Variants in TOGARAM1 observed in about 807,000 individuals in gnomAD.
TOGARAM1 encodes the protein TOG array regulator of axonemal microtubules 1, also known as TOG array regulator of axonemal microtubules protein 1.
In TOGARAM1, 100 loss-of-function variants were observed where a neutral mutation model predicts 166.6. The observed-to-expected ratio is 0.60, with a 90% CI of 0.51 to 0.71. The LOEUF (loss-of-function observed/expected upper bound fraction) is 0.71, where lower values mean the gene tolerates loss of function less well. Ranked by LOEUF, TOGARAM1 falls within the 30% of genes least tolerant of loss-of-function variation. The pLI is 0.00. For synonymous variants in TOGARAM1, 758 were observed against 763.8 expected (o/e 0.99, Z 0.13); for missense variants, 2,029 against 2,102.7 (o/e 0.96, Z 0.69).
At chr14:45,031,392 G>C (rs1475415695) in intron 10 of TOGARAM1, among the ~76,000 whole-genome samples, 2 of 152,080 alleles carry the variant, frequency 1.3e-5, no homozygotes, top group African/African-American at 4.8e-5. Flanking sequence ...CTTACATCTG[G>C]AAAATGCTTG....
chr14:45,044,078 C>T (rs1001714495), intron 12 of TOGARAM1, among the ~76,000 whole-genome samples: 3 of 151,742 alleles, frequency 2.0e-5, no homozygotes, highest in South Asian at 2.1e-4. Flanking sequence ...GGTGGGATCT[C>T]GGGTCACTGC....
At chr14:44,977,639 C>T (rs1026717910) in intron 1 of TOGARAM1, among the ~76,000 whole-genome samples, 2 of 151,856 alleles carry the variant, frequency 1.3e-5, no homozygotes, top group African/African-American at 2.4e-5. Flanking sequence ...GTATGACATG[C>T]TTTAGACTTC....
At chr14:45,032,026 G>T (rs973136956) in intron 10 of TOGARAM1, among the ~76,000 whole-genome samples, 197 bp from the exon 11 acceptor site, 1 of 152,054 alleles carries the variant, frequency 6.6e-6, no homozygotes, top group African/African-American at 2.4e-5. Context: ...TGGGCATTGT[G>T]GTGCGCACCT....
chr14:45,060,259 A>G (rs1248563696), intron 16 of TOGARAM1, among the ~76,000 whole-genome samples: 3 of 140,930 alleles, frequency 2.1e-5, no homozygotes, highest in Non-Finnish European at 3.0e-5. Flanking sequence ...TCTGTCACCC[A>G]GACTGGAGTG....
chr14:44,970,323 T>A (rs1885812807), intron 1 of TOGARAM1, among the ~76,000 whole-genome samples: 1 of 152,218 alleles, frequency 6.6e-6, no homozygotes, highest in South Asian at 2.1e-4. Context: ...TTTTTTTAAA[T>A]TTCAAATTCC....
rs887463122 is a variant in TOGARAM1, at chr14:45,028,190, T to G, written c.3519T>G (p.Ile1173Met). ...VENEKDAKVS[I>M]SKSTYNKMRQ... The stretch of plus-strand genomic sequence containing the variant: ...TTTTCATGCAGGCTAAAGTTTCTAT[T>G]TCTAAATCTACTTATAACAAGATGA... Residue 1173 changes from isoleucine to methionine, a missense_variant, in exon 10 of 20, where the codon ATT becomes ATG. Ile to Met is a conservative substitution (Grantham distance 10, BLOSUM62 1). Around this residue, in one of 2 missense-constraint regions of TOGARAM1, gnomAD observed 1,453 missense variants for 1,432.2 expected, o/e 1.01. Transcript: ENST00000361462. 2 of 1,572,780 alleles carry G rather than the reference T, an allele frequency of 1.3e-6. No individual in the cohort carries two copies. Among genetic ancestry groups the G allele is most frequent in the South Asian group, 2.4e-5 (2 of 83,302 alleles).
chr14:45,011,815 A>G lies in TOGARAM1; in HGVS notation c.3138-160A>G, dbSNP rs900597709. 4 of 518,672 alleles carry G rather than the reference A, an allele frequency of 7.7e-6. No homozygotes were observed. In the East Asian group the frequency reaches 1.2e-4, roughly 16 times the overall value. The allele number at this position is 518,672 out of a possible 1,614,324, so 32.1% of individuals were successfully genotyped here. ...TGTGTGTGTGTGTGTGTGTGTGTATACACACACACTGTTAGCCATAGTTTT... is the reference window on the plus strand; with the variant it reads ...TGTGTGTGTGTGTGTGTGTGTGTATGCACACACACTGTTAGCCATAGTTTT... On this transcript the variant is annotated intron_variant, in intron 6 of 19. Transcript: ENST00000361462.
At chr14:45,034,549 A>C (rs1157438005) in intron 11 of TOGARAM1, among the ~76,000 whole-genome samples, 1 of 152,218 alleles carries the variant, frequency 6.6e-6, no homozygotes, top group Non-Finnish European at 1.5e-5. Flanking sequence ...GAACAATGTC[A>C]GGAGCATATA....
At chr14:45,001,665 T>A (rs1422004819) in intron 3 of TOGARAM1, among the ~76,000 whole-genome samples, 1 of 152,224 alleles carries the variant, frequency 6.6e-6, no homozygotes, top group Non-Finnish European at 1.5e-5. Flanking sequence ...ACATCACTAA[T>A]CATCAGAAAG....
At position 44,963,712 on chromosome 14, in the gene TOGARAM1, C is replaced by T; in HGVS notation, c.1291C>T (p.Gln431Ter). ...TATTCGCCTTGGAGAGCAGGTACAG[C>T]AGTTCTTGGGACCAGTTATAGCAGC... ...LVIRLGEQVQ[Q>*]FLGPVIAASV... Residue 431 changes from glutamine (Q) to a stop codon, truncating the protein, a stop_gained, in exon 1 of 20, where the codon CAG becomes TAG. Transcript: ENST00000361462. LOFTEE classifies it high-confidence loss of function. 1 of 1,613,926 alleles carries T rather than the reference C, an allele frequency of 6.2e-7. No individual in the cohort carries two copies. The highest frequency in any genetic ancestry group is 8.5e-7 in the Non-Finnish European group (1 of 1,180,014).
intron 17 of TOGARAM1, 143 bp downstream of exon 17, chr14:45,066,910 C>G: frequency 2.0e-6 from 1 of 507,940 alleles, no homozygotes; most frequent in Non-Finnish European, 3.4e-6. Flanking sequence ...TAGCAAGACC[C>G]TGTCTCTACA....
intron 1 of TOGARAM1, among the ~76,000 whole-genome samples, chr14:44,971,495 G>C (rs903821458): frequency 6.6e-6 from 1 of 152,054 alleles, no homozygotes; most frequent in Non-Finnish European, 1.5e-5. Flanking sequence ...CCAAGAACCC[G>C]AGTTTGTTTT....
chr14:45,003,053 G>C (rs989929718), intron 3 of TOGARAM1, among the ~76,000 whole-genome samples: 2 of 152,120 alleles, frequency 1.3e-5, no homozygotes, highest in South Asian at 4.1e-4. Flanking sequence ...ATCAGAACCT[G>C]TTAATAGAGC....
chr14:45,025,678 T>C, intron 7 of TOGARAM1, 105 bp from the exon 8 acceptor site: 1 of 606,932 alleles, frequency 1.6e-6, no homozygotes, highest in East Asian at 3.0e-5. Context: ...ATTCTTTGTA[T>C]GAAATAAATT....
chr14:45,015,356 T>C (rs929341473), intron 7 of TOGARAM1, among the ~76,000 whole-genome samples: 2 of 148,340 alleles, frequency 1.3e-5, no homozygotes, highest in East Asian at 3.9e-4. Flanking sequence ...ATAAATATAT[T>C]TATACATATA....
chr14:44,963,891 G>C lies in TOGARAM1; in HGVS notation c.1470G>C (p.Val490=). 5 of 1,613,968 alleles carry C rather than the reference G, an allele frequency of 3.1e-6. No individual in the cohort carries two copies. Among genetic ancestry groups the C allele is most frequent in the Non-Finnish European group, 4.2e-6 (5 of 1,179,862 alleles). The change falls in exon 1 of 20, where the codon GTG becomes GTC. Residue 490 remains valine (V), a synonymous_variant. Coordinates refer to ENST00000361462, the MANE Select transcript of TOGARAM1 (RefSeq NM_001308120.2). The stretch of plus-strand genomic sequence containing the variant: ...AGCATTCCAGAGTGAGAGAGGAGGT[G>C]GTGAACATTTGCATCTGCTCCCTGC... The part of the protein sequence containing the change: ...KHKHSRVREE[V]VNICICSLLT...
At chr14:45,022,242 A>G (rs1880563082) in intron 7 of TOGARAM1, among the ~76,000 whole-genome samples, 1 of 150,774 alleles carries the variant, frequency 6.6e-6, no homozygotes, top group Admixed American at 6.6e-5. Context: ...TGCCTTTATT[A>G]CCTCTTGGGC....
chr14:45,028,322 A>G lies in TOGARAM1; in HGVS notation c.3651A>G (p.Ala1217=), dbSNP rs1594671331. ...GACATACAGGAACTGAGAAAATGGC[A>G]TCTGAAAGTAAGTGGAATTTAAGTT... is the stretch of plus-strand genomic sequence containing the variant. The part of the protein sequence containing the change: ...RMRHTGTEKM[A]SESETPTGAI... The change falls in exon 10 of 20, where the codon GCA becomes GCG. Residue 1217 remains alanine (A), a synonymous_variant. Coordinates refer to ENST00000361462, the MANE Select transcript of TOGARAM1 (RefSeq NM_001308120.2). 6.3e-7 allele frequency: 1 copy of G among 1,582,966 alleles called. No homozygotes were observed. The highest frequency in any genetic ancestry group is 8.5e-7 in the Non-Finnish European group (1 of 1,172,320).
chr14:44,966,299 C>A (rs1394093309), intron 1 of TOGARAM1, among the ~76,000 whole-genome samples: 1 of 151,320 alleles, frequency 6.6e-6, no homozygotes, highest in African/African-American at 2.4e-5. Flanking sequence ...TGGTGAAACC[C>A]CCGTCTCTAC....
Sources: gnomAD v4.1 joint callset for allele counts (sites outside exome capture counted in the v4.1 genomes callset) on GRCh38, gnomAD v4.1.1 for gene constraint, gnomAD v4.1.1 regional missense constraint, MANE v1.5 for transcripts, NCBI Gene and HGNC (gene_info 2026-07-23, HGNC 2026-07-21) for gene names.